Variants in RPS6KC1 observed in about 807,000 individuals in gnomAD.
RPS6KC1 encodes inactive ribosomal protein S6 kinase delta-1.
RPS6KC1 carries 54 observed loss-of-function variants against 103.8 expected under a neutral mutation model. The observed-to-expected ratio is 0.52, with a 90% CI of 0.42 to 0.65. The LOEUF (loss-of-function observed/expected upper bound fraction) is 0.65. Ranked by LOEUF, RPS6KC1 falls within the 30% of genes least tolerant of loss-of-function variation. RPS6KC1 has a pLI of 0.00. For synonymous variants in RPS6KC1, 439 were observed against 438.7 expected (o/e 1.00, Z -0.01); for missense variants, 1,151 against 1,253.8 (o/e 0.92, Z 1.24).
intron 6 of RPS6KC1, among the ~76,000 whole-genome samples, chr1:213,150,816 A>G (rs893380969): frequency 4.6e-5 from 7 of 152,014 alleles, no homozygotes; most frequent in African/African-American, 1.7e-4. Context: ...CCCGTTCTCA[A>G]TGAGCCGTTG....
the RPS6KC1 span, among the ~76,000 whole-genome samples, chr1:213,384,671 C>T: frequency 6.6e-6 from 1 of 152,154 alleles, no homozygotes. Context: ...TCCACTTTCC[C>T]TCCCCCAGGA....
the RPS6KC1 span, among the ~76,000 whole-genome samples, chr1:213,504,351 C>G: frequency 6.6e-6 from 1 of 152,066 alleles, no homozygotes; most frequent in Non-Finnish European, 1.5e-5. Flanking sequence ...TTTAACTTCT[C>G]AAACATGATA....
the RPS6KC1 span, among the ~76,000 whole-genome samples, chr1:213,356,545 A>T: frequency 6.6e-6 from 1 of 152,198 alleles, no homozygotes; most frequent in Admixed American, 6.5e-5. Flanking sequence ...AATCCCAGCT[A>T]CTTGGGAGGC....
the RPS6KC1 span, among the ~76,000 whole-genome samples, chr1:213,375,080 T>C: frequency 1.4e-4 from 21 of 151,114 alleles, 1 homozygote; most frequent in Admixed American, 5.3e-4. Flanking sequence ...CATACACACA[T>C]ACACACATCT....
At chr1:213,754,555 A>G in the RPS6KC1 span, among the ~76,000 whole-genome samples, 1 of 152,172 alleles carries the variant, frequency 6.6e-6, no homozygotes. Context: ...AAAAGTGTGT[A>G]GCACCTTCCA....
At chr1:213,115,332 T>A (rs927593583) in intron 4 of RPS6KC1, among the ~76,000 whole-genome samples, 2 of 152,194 alleles carry the variant, frequency 1.3e-5, no homozygotes, top group Non-Finnish European at 2.9e-5. Flanking sequence ...TTTTCTAGTT[T>A]ATTTGCATAG....
intron 8 of RPS6KC1, among the ~76,000 whole-genome samples, chr1:213,186,362 G>A (rs2092531660): frequency 1.3e-5 from 2 of 152,112 alleles, no homozygotes; most frequent in South Asian, 4.2e-4. Flanking sequence ...ATTCTCGGAT[G>A]GCAGTTTTAT....
the RPS6KC1 span, among the ~76,000 whole-genome samples, chr1:213,352,012 C>CT: frequency 2.6e-5 from 4 of 151,700 alleles, no homozygotes; most frequent in Non-Finnish European, 5.9e-5. Flanking sequence ...AGATTGGTGA[C>CT]TTTCCCTTAC....
the RPS6KC1 span, among the ~76,000 whole-genome samples, chr1:213,581,117 C>T: frequency 7.9e-5 from 12 of 152,060 alleles, no homozygotes; most frequent in African/African-American, 2.9e-4. Flanking sequence ...CTGTGTTTCC[C>T]ATGGCAGGGC....
intron 10 of RPS6KC1, 60 bp downstream of exon 10, chr1:213,232,315 TTC>T (rs954330208): frequency 4.1e-5 from 66 of 1,600,860 alleles, no homozygotes; most frequent in Non-Finnish European, 5.4e-5. Context: ...AGCTTCCAGT[TTC>T]TCTCTGTCAT....
At chr1:213,805,795 A>T in the RPS6KC1 span, among the ~76,000 whole-genome samples, 12 of 152,344 alleles carry the variant, frequency 7.9e-5, no homozygotes, top group African/African-American at 2.9e-4. Context: ...CAGATCCATC[A>T]GGGGAATCAC....
chr1:213,485,880 G>C, the RPS6KC1 span, among the ~76,000 whole-genome samples: 1 of 152,082 alleles, frequency 6.6e-6, no homozygotes, highest in African/African-American at 2.4e-5. Flanking sequence ...AGTGCAGGAA[G>C]AAAAAAATGT....
At chr1:213,741,891 G>A in the RPS6KC1 span, among the ~76,000 whole-genome samples, 11,827 of 152,040 alleles carry the variant, frequency 0.078, 600 homozygotes, top group Middle Eastern at 0.18. Context: ...GAAGGAAGAG[G>A]AATAAATGAG....
At chr1:213,245,013 C>T (rs565430496) in intron 12 of RPS6KC1, among the ~76,000 whole-genome samples, 14 of 152,232 alleles carry the variant, frequency 9.2e-5, no homozygotes, top group East Asian at 1.9e-4. Flanking sequence ...TAAAACAAAA[C>T]GAGTAATGGC....
the RPS6KC1 span, among the ~76,000 whole-genome samples, chr1:213,281,049 T>G: frequency 6.6e-6 from 1 of 151,734 alleles, no homozygotes; most frequent in Non-Finnish European, 1.5e-5. Flanking sequence ...CACACACTGA[T>G]TATGACCAGA....
chr1:213,118,931 T>C (rs1224493206), intron 5 of RPS6KC1, among the ~76,000 whole-genome samples: 1 of 152,138 alleles, frequency 6.6e-6, no homozygotes, highest in Admixed American at 6.6e-5. Flanking sequence ...CTGTTCTTTG[T>C]GACCTATTTT....
At chr1:213,514,293 A>G in the RPS6KC1 span, among the ~76,000 whole-genome samples, 2 of 152,194 alleles carry the variant, frequency 1.3e-5, no homozygotes, top group African/African-American at 4.8e-5. Flanking sequence ...GGTTTGTTAC[A>G]TATGTATACA....
At chr1:213,306,339 C>CA in the RPS6KC1 span, among the ~76,000 whole-genome samples, 10 of 151,888 alleles carry the variant, frequency 6.6e-5, no homozygotes, top group South Asian at 2.1e-4. Context: ...CCTGAATTAT[C>CA]AAAAAAACCC....
chr1:213,646,973 T>C, the RPS6KC1 span, among the ~76,000 whole-genome samples: 2 of 151,996 alleles, frequency 1.3e-5, no homozygotes, highest in African/African-American at 2.4e-5. Context: ...TCTGAGCTCA[T>C]TGCAACCTCC....
Sources: allele counts gnomAD v4.1 joint callset (sites outside exome capture counted in the v4.1 genomes callset), GRCh38; gene constraint gnomAD v4.1.1; transcripts MANE v1.5; gene names NCBI Gene and HGNC (gene_info 2026-07-23, HGNC 2026-07-21).